The following DNAJA3 variants were observed in gnomAD, a reference collection of about 807,000 sequenced individuals.
DNAJA3 encodes the protein dnaJ homolog subfamily A member 3, mitochondrial.
In DNAJA3, 29 loss-of-function variants were observed where a neutral mutation model predicts 54.9. That is an observed-to-expected ratio of 0.53 (90% CI 0.39 to 0.72). The LOEUF (loss-of-function observed/expected upper bound fraction) is 0.72. Ranked by LOEUF, DNAJA3 falls within the 30% of genes least tolerant of loss-of-function variation. The probability of loss-of-function intolerance (pLI) is 0.00; values close to 1 mark genes in which losing one functional copy is unlikely to be tolerated. For synonymous variants in DNAJA3, 302 were observed against 251.4 expected (o/e 1.20, Z -1.90); for missense variants, 708 against 639.4 (o/e 1.11, Z -1.16).
chr16:4,452,680 A>C (rs1047800329), intron 10 of DNAJA3, among the ~76,000 whole-genome samples: 2 of 152,166 alleles, frequency 1.3e-5, no homozygotes, highest in African/African-American at 2.4e-5. Context: ...CGGCTAATGC[A>C]GGAAGATCAC....
At chr16:4,448,940 G>GTA in intron 9 of DNAJA3, 92 bp downstream of exon 9, 1 of 878,824 alleles carries the variant, frequency 1.1e-6, no homozygotes, top group Non-Finnish European at 1.8e-6. Flanking sequence ...ACTGCTCCCT[G>GTA]TAAGTCAGGT....
In DNAJA3 at chr16:4,455,665, C is replaced by A; in HGVS notation, c.*133C>A. 6.9e-7 allele frequency: 1 copy of A among 1,438,866 alleles called. No homozygotes were observed. The highest frequency in any genetic ancestry group is 9.6e-7 in the Non-Finnish European group (1 of 1,046,208). 89.1% of individuals were successfully genotyped at this position (1,438,866 alleles called of 1,614,324 possible). On this transcript the variant is annotated 3_prime_UTR_variant, in exon 12 of 12. Coordinates refer to ENST00000262375, the MANE Select transcript of DNAJA3 (RefSeq NM_005147.6). ...AGCTCCCACCCGCAGAGCCTCTGGACGGCCTTGGCAACAGCAAAATCATGG... is the reference window on the plus strand; with the variant it reads ...AGCTCCCACCCGCAGAGCCTCTGGAAGGCCTTGGCAACAGCAAAATCATGG...
rs78292220 is a variant in DNAJA3 at position 4,450,816 on chromosome 16, C to T, written c.1339+319C>T. ...GGTTCTGCCACTTGCCCTGTGACCT[C>T]GGACAAATCCTTCCCTGAGAGCTCC... is the stretch of plus-strand genomic sequence containing the variant. On this transcript the variant is annotated intron_variant, in intron 10 of 11. Coordinates refer to ENST00000262375, the MANE Select transcript of DNAJA3 (RefSeq NM_005147.6). Among the ~76,000 whole-genome samples the T allele has an allele frequency of 9.2e-5, 14 of 152,302 alleles. No homozygotes were observed. The East Asian group carries it at 2.7e-3, about 29-fold the overall frequency.
At chr16:4,445,121 A>G (rs1353594851) in intron 7 of DNAJA3, among the ~76,000 whole-genome samples, 1 of 152,172 alleles carries the variant, frequency 6.6e-6, no homozygotes, top group Non-Finnish European at 1.5e-5. Flanking sequence ...TCTACTGGCA[A>G]TTGCCCTCCT....
At chr16:4,428,361 C>A (rs957479669) in intron 1 of DNAJA3, among the ~76,000 whole-genome samples, 3 of 152,176 alleles carry the variant, frequency 2.0e-5, no homozygotes, top group African/African-American at 7.2e-5. Flanking sequence ...GTGTGTGCCA[C>A]CATGCCAGGC....
chr16:4,452,482 T>C (rs1014108445), intron 10 of DNAJA3, among the ~76,000 whole-genome samples: 1 of 152,150 alleles, frequency 6.6e-6, no homozygotes, highest in African/African-American at 2.4e-5. Flanking sequence ...TGAAAGTTGA[T>C]TCCGCCACCC....
chr16:4,447,019 G>A lies in DNAJA3; in HGVS notation c.1125+5G>A. The A allele has an allele frequency of 6.2e-7, 1 of 1,612,266 alleles. No individual in the cohort carries two copies. Among genetic ancestry groups the A allele is most frequent in the Non-Finnish European group, 8.5e-7 (1 of 1,179,416 alleles). On this transcript the variant is annotated splice_donor_5th_base_variant and intron_variant, in intron 8 of 11. Coordinates refer to ENST00000262375, the MANE Select transcript of DNAJA3 (RefSeq NM_005147.6). ...TACGAGACGATCAACGTGACGGTAA[G>A]AGGGTGTGAGAACACCTTTGTCACC...
At chr16:4,441,745 G>T (rs1346973872) in intron 4 of DNAJA3, among the ~76,000 whole-genome samples, 170 bp downstream of exon 4, 2 of 152,182 alleles carry the variant, frequency 1.3e-5, no homozygotes, top group Non-Finnish European at 1.5e-5. Context: ...CGCATAGGTA[G>T]TAATGAGTAT....
intron 2 of DNAJA3, among the ~76,000 whole-genome samples, chr16:4,434,754 T>C (rs2056751818): frequency 6.6e-6 from 1 of 152,188 alleles, no homozygotes; most frequent in South Asian, 2.1e-4. Context: ...AAGTTTTTTT[T>C]TCTAGAGCTG....
chr16:4,448,260 C>T (rs548746801), intron 8 of DNAJA3, among the ~76,000 whole-genome samples: 11 of 150,360 alleles, frequency 7.3e-5, no homozygotes, highest in South Asian at 2.1e-4. Context: ...CACCTGACCT[C>T]GTGATCTGCC....
intron 2 of DNAJA3, among the ~76,000 whole-genome samples, chr16:4,436,086 A>T (rs570976351): frequency 6.8e-4 from 103 of 152,306 alleles, no homozygotes; most frequent in Admixed American, 6.7e-3. Context: ...GATGGTGAGC[A>T]TCTTTCTTGT....
intron 1 of DNAJA3, among the ~76,000 whole-genome samples, chr16:4,432,930 A>G (rs1472531588): frequency 1.3e-5 from 2 of 152,008 alleles, no homozygotes; most frequent in Non-Finnish European, 2.9e-5. Flanking sequence ...TCATGAGGTC[A>G]GGAGATCGAG....
In DNAJA3 at chr16:4,430,378, A is replaced by G. The variant is rs189099877; in HGVS notation, c.212-4006A>G. The stretch of plus-strand genomic sequence containing the variant: ...GGAGTTTGAGACCAGCCTGGCCAAG[A>G]TGGCCAAAGCTTGTCTCTACTAAAA... On this transcript the variant is annotated intron_variant, in intron 1 of 11. Transcript: ENST00000262375. The G allele has an allele frequency of 7.4e-3, 1,126 of 152,064 alleles. 6 individuals are homozygous for G. The highest frequency in any genetic ancestry group is 0.015 in the South Asian group (71 of 4,814). The allele number at this position is 152,064 out of a possible 1,614,324, so 9.4% of individuals were successfully genotyped here. A position where few individuals can be genotyped will look rare whatever the true frequency, so the allele number is the denominator to read the frequency against.
chr16:4,441,805 G>A (rs1412302987), intron 4 of DNAJA3, among the ~76,000 whole-genome samples: 1 of 152,160 alleles, frequency 6.6e-6, no homozygotes, highest in Non-Finnish European at 1.5e-5. Flanking sequence ...TAGCACCTAA[G>A]GCTTTCAGAG....
At chr16:4,444,787 G>A (rs1030525803) in intron 7 of DNAJA3, 59 bp downstream of exon 7, 3 of 1,463,866 alleles carry the variant, frequency 2.0e-6, no homozygotes, top group Non-Finnish European at 2.9e-6. Flanking sequence ...GGTGGGTGTG[G>A]CTGAGGCTGC....
chr16:4,444,600 C>CAG (rs2056880134), intron 6 of DNAJA3, 64 bp from the exon 7 acceptor site: 1 of 1,452,782 alleles, frequency 6.9e-7, no homozygotes, highest in Non-Finnish European at 9.7e-7. Flanking sequence ...TCCCAAAGTG[C>CAG]TGGGATTACA....
chr16:4,446,747 C>G lies in DNAJA3; in HGVS notation c.997-139C>G, dbSNP rs568536563. On this transcript the variant is annotated intron_variant, in intron 7 of 11. Coordinates refer to ENST00000262375, the MANE Select transcript of DNAJA3 (RefSeq NM_005147.6). Reference sequence around the variant, plus strand: ...GTGTCTCCTTGTTGGAAGGACAGTTCTTTCCCTCAACACTGCACTTTATGT... The same window carrying G: ...GTGTCTCCTTGTTGGAAGGACAGTTGTTTCCCTCAACACTGCACTTTATGT... 4.6e-5 allele frequency: 46 copies of G among 1,009,864 alleles called. 1 individual carries two copies. The highest frequency in any genetic ancestry group is 1.5e-4 in the Admixed American group (6 of 39,186). The allele number at this position is 1,009,864 out of a possible 1,614,324, so 62.6% of individuals were successfully genotyped here.
intron 7 of DNAJA3, among the ~76,000 whole-genome samples, chr16:4,446,406 G>C (rs749726047): frequency 2.6e-5 from 4 of 151,288 alleles, no homozygotes; most frequent in African/African-American, 4.9e-5. Context: ...ACCACACCTG[G>C]TTAATTTTTG....
chr16:4,451,475 G>A (rs1041366226), intron 10 of DNAJA3, among the ~76,000 whole-genome samples: 1 of 151,962 alleles, frequency 6.6e-6, no homozygotes, highest in African/African-American at 2.4e-5. Flanking sequence ...AGCAGCTGCC[G>A]GCCGGGCGCA....
Sources: gnomAD v4.1 joint callset for allele counts (sites outside exome capture counted in the v4.1 genomes callset) on GRCh38, gnomAD v4.1.1 for gene constraint, MANE v1.5 for transcripts, NCBI Gene and HGNC (gene_info 2026-07-23, HGNC 2026-07-21) for gene names.